NCKAP5: variants seen among roughly 807,000 people sequenced by gnomAD.
NCKAP5 encodes NCK associated protein 5.
A neutral mutation model predicts 167.0 loss-of-function variants in NCKAP5; 92 were observed. The ratio of observed to expected loss-of-function variants is 0.55; its 90% CI spans 0.47 to 0.66. The LOEUF (loss-of-function observed/expected upper bound fraction) is 0.66, where lower values mean the gene tolerates loss of function less well. Among genes scored for constraint, NCKAP5 ranks in the 30% least tolerant of loss-of-function variants. NCKAP5 has a pLI of 0.00. For synonymous variants in NCKAP5, 891 were observed against 877.4 expected, an observed-to-expected ratio of 1.02 and a Z score of -0.27; for missense variants, 2,378 against 2,315.0, an observed-to-expected ratio of 1.03 and a Z score of -0.56.
chr2:133,491,517 C>T (rs1280467551), intron 3 of NCKAP5, among the ~76,000 whole-genome samples: 1 of 152,162 alleles, frequency 6.6e-6, no homozygotes, highest in Admixed American at 6.6e-5. Context: ...AAGACAGGAA[C>T]AGCAGAGGGC....
chr2:132,964,652 C>T (rs1444404111), intron 7 of NCKAP5, among the ~76,000 whole-genome samples: 1 of 152,148 alleles, frequency 6.6e-6, no homozygotes, highest in Non-Finnish European at 1.5e-5. Flanking sequence ...TTGCTCCCCA[C>T]AATCAGGTGA....
chr2:133,062,888 A>T (rs778859143), intron 6 of NCKAP5, among the ~76,000 whole-genome samples: 15 of 152,210 alleles, frequency 9.9e-5, no homozygotes, highest in Non-Finnish European at 2.1e-4. Flanking sequence ...AATTGATTTC[A>T]TGGGAAAAAA....
chr2:133,147,541 T>G (rs1559192096), intron 5 of NCKAP5, among the ~76,000 whole-genome samples: 1 of 152,120 alleles, frequency 6.6e-6, no homozygotes, highest in Non-Finnish European at 1.5e-5. Flanking sequence ...TTCAAGAGAC[T>G]AATAAATTAG....
chr2:133,262,609 G>A (rs910502471), intron 4 of NCKAP5, among the ~76,000 whole-genome samples: 2 of 152,208 alleles, frequency 1.3e-5, no homozygotes, highest in African/African-American at 4.8e-5. Context: ...GAAAGAGGAT[G>A]GAAGGGCGTA....
At chr2:133,586,859 G>T in the NCKAP5 span, among the ~76,000 whole-genome samples, 1 of 151,856 alleles carries the variant, frequency 6.6e-6, no homozygotes, top group East Asian at 1.9e-4. Context: ...AGAATGGTGG[G>T]GACTACGATG....
chr2:133,012,106 AT>A (rs1469759329), intron 6 of NCKAP5, among the ~76,000 whole-genome samples: 1 of 152,082 alleles, frequency 6.6e-6, no homozygotes, highest in Non-Finnish European at 1.5e-5. Flanking sequence ...TCCCGTTGCA[AT>A]CTATTCCTCT....
At chr2:132,847,832 A>T (rs536975743) in intron 11 of NCKAP5, among the ~76,000 whole-genome samples, 11 of 152,374 alleles carry the variant, frequency 7.2e-5, no homozygotes, top group Middle Eastern at 6.8e-3. Context: ...TCTTGAAAAG[A>T]TAAAGCTAAC....
At chr2:133,512,317 C>A (rs188188096) in intron 3 of NCKAP5, among the ~76,000 whole-genome samples, 9 of 152,220 alleles carry the variant, frequency 5.9e-5, no homozygotes, top group African/African-American at 2.2e-4. Context: ...TCTGCCTGCC[C>A]GCATATCACA....
intron 19 of NCKAP5, among the ~76,000 whole-genome samples, chr2:132,714,293 C>T (rs1368141557): frequency 6.6e-6 from 1 of 152,098 alleles, no homozygotes; most frequent in Non-Finnish European, 1.5e-5. Context: ...TTTTAAGGTC[C>T]CTGGGTTCCC....
the NCKAP5 span, among the ~76,000 whole-genome samples, chr2:133,660,033 G>A: frequency 6.6e-6 from 1 of 152,128 alleles, no homozygotes; most frequent in African/African-American, 2.4e-5. Context: ...GCTCAGGCTG[G>A]ATTCCTCCTA....
At chr2:133,004,867 C>T (rs971233488) in intron 6 of NCKAP5, among the ~76,000 whole-genome samples, 9 of 152,184 alleles carry the variant, frequency 5.9e-5, no homozygotes, top group Non-Finnish European at 1.5e-5. Flanking sequence ...TTAGAGACCT[C>T]CCCCTGGGAA....
chr2:133,290,835 C>G (rs112807316), intron 4 of NCKAP5, among the ~76,000 whole-genome samples: 1 of 150,370 alleles, frequency 6.7e-6, no homozygotes, highest in South Asian at 2.1e-4. Flanking sequence ...CTCACTGCAG[C>G]CTCAGAGTCC....
the NCKAP5 span, among the ~76,000 whole-genome samples, chr2:133,643,713 T>G: frequency 6.6e-6 from 1 of 152,182 alleles, no homozygotes; most frequent in Admixed American, 6.5e-5. Flanking sequence ...AGTGCCTTCA[T>G]GTGGTACCCA....
chr2:133,003,021 C>T (rs1419264769), intron 6 of NCKAP5, among the ~76,000 whole-genome samples: 1 of 152,174 alleles, frequency 6.6e-6, no homozygotes, highest in African/African-American at 2.4e-5. Context: ...AACCAAATAT[C>T]TAACTGTTCT....
the NCKAP5 span, among the ~76,000 whole-genome samples, chr2:133,663,880 T>G: frequency 1.3e-5 from 2 of 152,232 alleles, no homozygotes; most frequent in African/African-American, 4.8e-5. Flanking sequence ...AAGTTCTTAT[T>G]GGCATCTAGA....
chr2:133,140,110 T>C (rs1437989621), intron 5 of NCKAP5, among the ~76,000 whole-genome samples: 1 of 152,232 alleles, frequency 6.6e-6, no homozygotes, highest in Non-Finnish European at 1.5e-5. Flanking sequence ...TGTTGTCATG[T>C]TAATTGATCA....
At chr2:133,258,980 C>T (rs548935165) in intron 4 of NCKAP5, among the ~76,000 whole-genome samples, 3 of 152,112 alleles carry the variant, frequency 2.0e-5, no homozygotes, top group Non-Finnish European at 4.4e-5. Context: ...AATGCTGGCC[C>T]AAAAGGTGAA....
In NCKAP5 at chr2:133,143,684, G is replaced by A. The variant is rs559604990; in HGVS notation, c.208-13573C>T. ...AAAATAAGAGAGAGAGAGAAAAAGA[G>A]AGACTCTTCCCAGCATCACAAATAA... On this transcript the variant is annotated intron_variant, in intron 5 of 19. Coordinates refer to ENST00000409261, the MANE Select transcript of NCKAP5 (RefSeq NM_207363.3). 3.3e-5 allele frequency among the ~76,000 whole-genome samples: 5 copies of A among 152,240 alleles called. No homozygotes were observed. In the East Asian group the frequency reaches 7.7e-4, roughly 23 times the overall value.
At chr2:133,342,189 T>A (rs1683642617) in intron 3 of NCKAP5, among the ~76,000 whole-genome samples, 1 of 152,112 alleles carries the variant, frequency 6.6e-6, no homozygotes, top group Non-Finnish European at 1.5e-5. Flanking sequence ...TCCGCCCGCC[T>A]CGGCCTCCCA....
Sources: gnomAD v4.1 joint callset for allele counts (sites outside exome capture counted in the v4.1 genomes callset) on GRCh38, gnomAD v4.1.1 for gene constraint, MANE v1.5 for transcripts, NCBI Gene and HGNC (gene_info 2026-07-23, HGNC 2026-07-21) for gene names.